Variants in ADGRB1 observed in about 807,000 individuals in gnomAD.
ADGRB1 encodes the protein adhesion G protein-coupled receptor B1.
ADGRB1 carries 36 observed loss-of-function variants against 175.7 expected under a neutral mutation model. The ratio of observed to expected loss-of-function variants is 0.20; its 90% CI spans 0.16 to 0.27. ADGRB1 has a LOEUF of 0.27. Among genes scored for constraint, ADGRB1 ranks in the 10% least tolerant of loss-of-function variants. The probability of loss-of-function intolerance (pLI) is 1.00; values close to 1 mark genes in which losing one functional copy is unlikely to be tolerated. For synonymous variants in ADGRB1, 1,054 were observed against 979.4 expected, an observed-to-expected ratio of 1.08 and a Z score of -1.42; for missense variants, 1,731 against 2,255.3, an observed-to-expected ratio of 0.77 and a Z score of 4.71.
At chr8:142,534,359 G>A (rs1229637780) in intron 25 of ADGRB1, among the ~76,000 whole-genome samples, 2 of 152,212 alleles carry the variant, frequency 1.3e-5, no homozygotes, top group African/African-American at 4.8e-5. Context: ...GGCCTCCGCG[G>A]CCTGGGCCTC....
rs78280950 is a variant in ADGRB1 at position 142,538,326 on chromosome 8, C to T, written c.3667-1048C>T. Among the ~76,000 whole-genome samples, 448 of 152,300 alleles carry T rather than the reference C, an allele frequency of 2.9e-3. 1 individual carries two copies. The highest frequency in any genetic ancestry group is 0.01 in the African/African-American group (425 of 41,574). On this transcript the variant is annotated intron_variant, in intron 26 of 30. Transcript: ENST00000517894. ...CCTCAGCAGATGGCATGTCCAGCCC[C>T]GGGTGAGGGTGAGGTCCTTCAGTGA...
chr8:142,502,283 G>T (rs1842621804), intron 17 of ADGRB1, among the ~76,000 whole-genome samples: 1 of 149,036 alleles, frequency 6.7e-6, no homozygotes, highest in African/African-American at 2.5e-5. Flanking sequence ...GGTAATGATT[G>T]TGTGGTTTTG....
intron 18 of ADGRB1, among the ~76,000 whole-genome samples, chr8:142,513,923 G>C (rs890778380): frequency 6.6e-6 from 1 of 152,094 alleles, no homozygotes; most frequent in South Asian, 2.1e-4. Flanking sequence ...CTCCAGGGGC[G>C]TGAGGAGCCG....
In ADGRB1 at chr8:142,543,398, T is replaced by C. The variant is rs780754689; in HGVS notation, c.4414-5T>C. The C allele has an allele frequency of 6.2e-7, 1 of 1,613,766 alleles. No homozygotes were observed. Among genetic ancestry groups the C allele is most frequent in the Non-Finnish European group, 8.5e-7 (1 of 1,179,782 alleles). On this transcript the variant is annotated splice_region_variant and splice_polypyrimidine_tract_variant and intron_variant, in intron 28 of 30. Transcript: ENST00000517894. The surrounding 1 kb of genome is among the most constrained non-coding windows in gnomAD (Gnocchi z 4.4). ...CGAATGTTCGCAAACCCCTTCTCCC[T>C]GCAGCGGCGGAAGTCGCGGTATGCA...
At chr8:142,453,518 G>T (rs1839483902) in intron 1 of ADGRB1, among the ~76,000 whole-genome samples, 2 of 152,212 alleles carry the variant, frequency 1.3e-5, no homozygotes, top group Admixed American at 6.5e-5. Flanking sequence ...GGCCTCCCTG[G>T]CTGCAGCTGC....
intron 2 of ADGRB1, among the ~76,000 whole-genome samples, chr8:142,465,862 C>T (rs898788717): frequency 3.3e-5 from 5 of 152,076 alleles, no homozygotes; most frequent in African/African-American, 9.7e-5. Context: ...GGCTTTGTGC[C>T]CGGAGAGCAC....
Position 142,500,238 on chromosome 8 carries a change from TCCCCACGCGCCGCTCCTCCACC to T in ADGRB1, c.2675+9424_2675+9445del, listed in dbSNP as rs1842430479. On this transcript the variant is annotated intron_variant, in intron 17 of 30. Transcript: ENST00000517894. ...CTTCCCCCCGCGCCGCTCCTCCACC[TCCCCACGCGCCGCTCCTCCACC>T]TCCCCACGCGCCGCTCCTCCACCTC... 3.8e-4 allele frequency among the ~76,000 whole-genome samples: 9 copies of T among 23,708 alleles called. No individual in the cohort carries two copies. The South Asian group carries it at 0.012, about 32-fold the overall frequency. The allele number at this position is 23,708 out of a possible 152,430, so 15.6% of individuals were successfully genotyped here. A position where few individuals can be genotyped will look rare whatever the true frequency, so the allele number is the denominator to read the frequency against.
intron 16 of ADGRB1, 137 bp downstream of exon 16, chr8:142,489,575 T>C: frequency 2.1e-6 from 2 of 967,888 alleles, no homozygotes; most frequent in Non-Finnish European, 3.1e-6. Flanking sequence ...TATCCCTGGA[T>C]TACAGGTGGG....
At chr8:142,461,605 G>A (rs1475753462) in intron 1 of ADGRB1, among the ~76,000 whole-genome samples, 1 of 152,202 alleles carries the variant, frequency 6.6e-6, no homozygotes, top group Non-Finnish European at 1.5e-5. Context: ...CCTGCTCCTG[G>A]CACCGCAGGC....
intron 1 of ADGRB1, among the ~76,000 whole-genome samples, chr8:142,451,913 C>A (rs1209914756): frequency 6.6e-6 from 1 of 152,174 alleles, no homozygotes; most frequent in Non-Finnish European, 1.5e-5. Context: ...ACTCTGCGCC[C>A]GCACGCCGGG....
intron 24 of ADGRB1, among the ~76,000 whole-genome samples, chr8:142,530,695 T>C (rs1490448007): frequency 1.3e-5 from 2 of 152,142 alleles, no homozygotes; most frequent in African/African-American, 4.8e-5. Context: ...TGCCCTTTCT[T>C]TGTCTCAACA....
Position 142,510,080 on chromosome 8 carries a change from G to C in ADGRB1, c.2676-852G>C, listed in dbSNP as rs1177367664. ...GCAGGAGGAGGAGGAAGAGGAGGCG[G>C]AGGAGGAAGAGGAGGAGGTGGAGGA... On this transcript the variant is annotated intron_variant, in intron 17 of 30. Coordinates refer to ENST00000517894, the MANE Select transcript of ADGRB1 (RefSeq NM_001702.3). This position sits in a 1 kb window ranked among gnomAD's most constrained non-coding sequence, Gnocchi z 6.3. Among the ~76,000 whole-genome samples the C allele has an allele frequency of 6.6e-6, 1 of 152,116 alleles. No homozygotes were observed. Among genetic ancestry groups the C allele is most frequent in the Non-Finnish European group, 1.5e-5 (1 of 67,996 alleles).
Position 142,544,966 on chromosome 8 carries a change from T to C in ADGRB1, c.*549T>C, listed in dbSNP as rs1845498595. 6.6e-6 allele frequency: 1 copy of C among 152,500 alleles called. No homozygotes were observed. Among genetic ancestry groups the C allele is most frequent in the Admixed American group, 6.5e-5 (1 of 15,282 alleles). 9.4% of individuals were successfully genotyped at this position (152,500 alleles called of 1,614,324 possible). A position where few individuals can be genotyped will look rare whatever the true frequency, so the allele number is the denominator to read the frequency against. ...AAGAAGCAGGGGGGAATCTATTTTT[T>C]CTCTCCTTTTCTTTTCTTCAATAAA... On this transcript the variant is annotated 3_prime_UTR_variant, in exon 31 of 31. Coordinates refer to ENST00000517894, the MANE Select transcript of ADGRB1 (RefSeq NM_001702.3).
rs149632407 is a variant in ADGRB1 at position 142,524,372 on chromosome 8, G to A, written c.3312+68G>A. 2,359 of 1,464,460 alleles carry A rather than the reference G, an allele frequency of 1.6e-3. 6 individuals carry two copies. Among genetic ancestry groups the A allele is most frequent in the Middle Eastern group, 6.2e-3 (28 of 4,514 alleles). The allele number at this position is 1,464,460 out of a possible 1,614,324, so 90.7% of individuals were successfully genotyped here. A position where few individuals can be genotyped will look rare whatever the true frequency, so the allele number is the denominator to read the frequency against. ...GCCCCCCACCTGCCTCCTGGGCCTC[G>A]GTGCTGTCTCATGCCCCAGGCTGTG... On this transcript the variant is annotated intron_variant, in intron 23 of 30. Coordinates refer to ENST00000517894, the MANE Select transcript of ADGRB1 (RefSeq NM_001702.3).
chr8:142,479,815 G>A (rs1211140884), intron 9 of ADGRB1, 21 bp downstream of exon 9: 1 of 1,602,082 alleles, frequency 6.2e-7, no homozygotes, highest in East Asian at 2.2e-5. Flanking sequence ...GAGAGCACGT[G>A]GTGTATGGGG....
In ADGRB1 at chr8:142,511,513, C is replaced by T. The variant is rs769248707; in HGVS notation, c.2817+440C>T. On this transcript the variant is annotated intron_variant, in intron 18 of 30. Coordinates refer to ENST00000517894, the MANE Select transcript of ADGRB1 (RefSeq NM_001702.3). The surrounding 1 kb of genome is among the most constrained non-coding windows in gnomAD (Gnocchi z 4.5). Reference sequence around the variant, plus strand: ...GAGCTGCCGCCTTGGCAGAGCCCTTCGACCCACCCCAAGTAGAGCCTGGTC... The same window carrying T: ...GAGCTGCCGCCTTGGCAGAGCCCTTTGACCCACCCCAAGTAGAGCCTGGTC... 6.6e-6 allele frequency among the ~76,000 whole-genome samples: 1 copy of T among 152,280 alleles called. No individual in the cohort carries two copies. The highest frequency in any genetic ancestry group is 2.1e-4 in the South Asian group (1 of 4,826).
chr8:142,511,184 C>A lies in ADGRB1; in HGVS notation c.2817+111C>A, dbSNP rs1843082047. On this transcript the variant is annotated intron_variant, in intron 18 of 30. Coordinates refer to ENST00000517894, the MANE Select transcript of ADGRB1 (RefSeq NM_001702.3). This position sits in a 1 kb window ranked among gnomAD's most constrained non-coding sequence, Gnocchi z 4.5. The stretch of plus-strand genomic sequence containing the variant: ...CGCACCCGTCCTGTCCCGGAGGGGT[C>A]GCTGTGGCCCGCAGCCGCCGTGGCC... The A allele has an allele frequency of 4.5e-6, 4 of 880,444 alleles. No homozygotes were observed. The African/African-American group carries it at 5.5e-5, about 12-fold the overall frequency. The allele number at this position is 880,444 out of a possible 1,614,324, so 54.5% of individuals were successfully genotyped here. A position where few individuals can be genotyped will look rare whatever the true frequency, so the allele number is the denominator to read the frequency against.
chr8:142,509,943 C>G (rs1027627530), intron 17 of ADGRB1, among the ~76,000 whole-genome samples: 1 of 152,180 alleles, frequency 6.6e-6, no homozygotes, highest in Non-Finnish European at 1.5e-5. Context: ...GCAAGCCAAG[C>G]CCCAGCAGGC....
intron 25 of ADGRB1, among the ~76,000 whole-genome samples, chr8:142,536,222 C>A (rs761871194): frequency 7.7e-6 from 1 of 130,548 alleles, no homozygotes; most frequent in Non-Finnish European, 1.6e-5. Context: ...CCCACCACCC[C>A]CAAGGATTCC....
Sources: gnomAD v4.1 joint callset for allele counts (sites outside exome capture counted in the v4.1 genomes callset) on GRCh38, gnomAD v4.1.1 for gene constraint, Gnocchi (gnomAD v3.1) non-coding constraint, MANE v1.5 for transcripts, NCBI Gene and HGNC (gene_info 2026-07-23, HGNC 2026-07-21) for gene names.